The following MAN2A1 variants were observed in gnomAD, a reference collection of about 807,000 sequenced individuals.
MAN2A1 encodes the protein mannosidase alpha class 2A member 1.
In MAN2A1, 76 loss-of-function variants were observed where a neutral mutation model predicts 142.6. That is an observed-to-expected ratio of 0.53 (90% CI 0.44 to 0.65). The LOEUF (loss-of-function observed/expected upper bound fraction) is 0.65, where lower values mean the gene tolerates loss of function less well. MAN2A1 is among the 30% of genes least tolerant of loss of function. The pLI, the probability that MAN2A1 is intolerant of heterozygous loss-of-function variation, is 0.00. For missense variants in MAN2A1, 1,311 were observed against 1,365.1 expected, an observed-to-expected ratio of 0.96 and a Z score of 0.62; for synonymous variants, 559 against 473.2, an observed-to-expected ratio of 1.18 and a Z score of -2.35.
intron 1 of MAN2A1, among the ~76,000 whole-genome samples, chr5:109,712,091 G>C (rs1278248778): frequency 1.4e-5 from 2 of 144,588 alleles, no homozygotes; most frequent in East Asian, 4.7e-4. Flanking sequence ...GCTAATTTTG[G>C]CTACTTTTTT....
chr5:109,815,767 C>A (rs1754439904), intron 12 of MAN2A1, among the ~76,000 whole-genome samples: 1 of 151,982 alleles, frequency 6.6e-6, no homozygotes, highest in South Asian at 2.1e-4. Context: ...AACACATATA[C>A]AGGATGGAAG....
intron 1 of MAN2A1, among the ~76,000 whole-genome samples, chr5:109,694,578 G>A (rs1034596881): frequency 6.6e-6 from 1 of 151,840 alleles, no homozygotes; most frequent in African/African-American, 2.4e-5. Flanking sequence ...CAAATTCTTG[G>A]CCTTAAGCTA....
At chr5:109,784,954 TA>T (rs1753559048) in intron 10 of MAN2A1, 28 bp downstream of exon 10, 6 of 1,510,164 alleles carry the variant, frequency 4.0e-6, no homozygotes, top group South Asian at 1.3e-5. Flanking sequence ...AAATCATCTT[TA>T]AAAAAATCAT....
chr5:109,799,490 C>T (rs921845226), intron 12 of MAN2A1, among the ~76,000 whole-genome samples: 1 of 152,214 alleles, frequency 6.6e-6, no homozygotes, highest in Non-Finnish European at 1.5e-5. Context: ...CGCAGTGGCT[C>T]ATGCCTGTAA....
intron 5 of MAN2A1, among the ~76,000 whole-genome samples, chr5:109,757,625 C>T (rs1175537917): frequency 1.3e-5 from 2 of 152,064 alleles, no homozygotes; most frequent in Non-Finnish European, 2.9e-5. Context: ...CAACCATCAC[C>T]ACAGTCTATT....
chr5:109,710,056 G>A (rs1406940085), intron 1 of MAN2A1, among the ~76,000 whole-genome samples: 6 of 152,102 alleles, frequency 3.9e-5, no homozygotes, highest in African/African-American at 2.4e-5. Flanking sequence ...TGTTTGGAGG[G>A]AGACTTTATT....
chr5:109,833,607 C>T (rs1400329371), intron 16 of MAN2A1, among the ~76,000 whole-genome samples: 1 of 148,456 alleles, frequency 6.7e-6, no homozygotes, highest in African/African-American at 2.5e-5. Flanking sequence ...TGCAGTGAGC[C>T]GAGATGGCAG....
intron 8 of MAN2A1, among the ~76,000 whole-genome samples, chr5:109,776,240 T>C (rs1284144567): frequency 6.6e-6 from 1 of 152,118 alleles, no homozygotes; most frequent in African/African-American, 2.4e-5. Flanking sequence ...GATGGTGAAC[T>C]ATAGTTTAGT....
chr5:109,691,167 G>A (rs946923833), intron 1 of MAN2A1, among the ~76,000 whole-genome samples: 1 of 152,182 alleles, frequency 6.6e-6, no homozygotes, highest in African/African-American at 2.4e-5. Context: ...GGAACCGAGT[G>A]GGGAAGCGCG....
At chr5:109,726,097 G>A (rs756432983) in intron 3 of MAN2A1, among the ~76,000 whole-genome samples, 2 of 152,100 alleles carry the variant, frequency 1.3e-5, no homozygotes, top group South Asian at 2.1e-4. Context: ...TCTAGCCCTC[G>A]TTCAATTTTC....
intron 4 of MAN2A1, among the ~76,000 whole-genome samples, chr5:109,734,257 T>G (rs1186227126): frequency 1.3e-5 from 2 of 151,810 alleles, no homozygotes; most frequent in Admixed American, 6.6e-5. Flanking sequence ...CTCTCTTTTC[T>G]TCTTTATTAG....
intron 7 of MAN2A1, 132 bp downstream of exon 7, chr5:109,770,673 A>C (rs1308714041): frequency 1.3e-6 from 1 of 791,814 alleles, no homozygotes; most frequent in Admixed American, 2.9e-5. Context: ...TTCAAACCAG[A>C]TCTAAAGCAA....
At chr5:109,755,022 C>A (rs1185693969) in intron 4 of MAN2A1, among the ~76,000 whole-genome samples, 2 of 151,940 alleles carry the variant, frequency 1.3e-5, no homozygotes, top group African/African-American at 4.8e-5. Flanking sequence ...ATAAATAAAC[C>A]AACCAGATGT....
Position 109,823,820 on chromosome 5 carries a change from G to A in MAN2A1, c.2549G>A (p.Arg850Gln), listed in dbSNP as rs375169795. The part of the protein sequence containing the change: ...CFFDHVTHRV[R>Q]LYHIQGIEGQ... ...TTTGACCATGTTACTCATAGAGTCC[G>A]ACTATACCACATACAGGGTAAGAAA... Residue 850 changes from arginine (R) to glutamine (Q), a missense_variant, in exon 16 of 22, where the codon CGA becomes CAA. Physicochemically the swap from Arg to Gln is conservative, Grantham distance 43 (BLOSUM62 1). Around this residue, in one of 3 missense-constraint regions of MAN2A1, gnomAD observed 890 missense variants for 920.5 expected, o/e 0.97. Coordinates refer to ENST00000261483, the MANE Select transcript of MAN2A1 (RefSeq NM_002372.4). The A allele has an allele frequency of 1.5e-5, 24 of 1,573,252 alleles. 1 individual carries two copies. Among genetic ancestry groups the A allele is most frequent in the South Asian group, 3.5e-5 (3 of 85,956 alleles).
At position 109,690,154 on chromosome 5, in the gene MAN2A1, C is replaced by T. The variant is rs1435752745; in HGVS notation, c.-264C>T. 11 of 431,420 alleles carry T rather than the reference C, an allele frequency of 2.5e-5. No homozygotes were observed. The highest frequency in any genetic ancestry group is 4.2e-5 in the Non-Finnish European group (10 of 235,406). 26.7% of individuals were successfully genotyped at this position (431,420 alleles called of 1,614,324 possible). ...GAGCTTGCGATCAAGTTTGTGGGGG[C>T]CCCCCTTCCCAGTTGCCGGCGAGTC... On this transcript the variant is annotated 5_prime_UTR_variant, in exon 1 of 22. Transcript: ENST00000261483.
intron 16 of MAN2A1, among the ~76,000 whole-genome samples, chr5:109,835,777 CT>C (rs1423009056): frequency 6.6e-6 from 1 of 152,154 alleles, no homozygotes; most frequent in Non-Finnish European, 1.5e-5. Flanking sequence ...GAAAAGTATA[CT>C]TTGCATTTCA....
intron 16 of MAN2A1, among the ~76,000 whole-genome samples, chr5:109,832,428 C>T (rs141844879): frequency 0.027 from 4,080 of 151,968 alleles, 180 homozygotes; most frequent in African/African-American, 0.091. Flanking sequence ...CATCCTGCAC[C>T]GCCCTTAATC....
chr5:109,840,804 G>T (rs1250920774), intron 16 of MAN2A1: 1 of 248,084 alleles, frequency 4.0e-6, no homozygotes, highest in African/African-American at 2.3e-5. Context: ...TGTGTGGTGC[G>T]CCGGAGTCCT....
At chr5:109,801,759 T>C (rs1173951071) in intron 12 of MAN2A1, among the ~76,000 whole-genome samples, 3 of 152,168 alleles carry the variant, frequency 2.0e-5, no homozygotes, top group Non-Finnish European at 4.4e-5. Context: ...TCAAGACTTA[T>C]CAGTTAGGAA....
Sources: gnomAD v4.1 joint callset for allele counts (sites outside exome capture counted in the v4.1 genomes callset) on GRCh38, gnomAD v4.1.1 for gene constraint, gnomAD v4.1.1 regional missense constraint, MANE v1.5 for transcripts, NCBI Gene and HGNC (gene_info 2026-07-23, HGNC 2026-07-21) for gene names.